Variants in MYO1B observed in about 807,000 individuals in gnomAD.
The protein encoded by MYO1B is myosin IB.
MYO1B carries 72 observed loss-of-function variants against 159.7 expected under a neutral mutation model. That is an observed-to-expected ratio of 0.45 (90% CI 0.37 to 0.55). The LOEUF (loss-of-function observed/expected upper bound fraction) is 0.55. Among genes scored for constraint, MYO1B ranks in the 20% least tolerant of loss-of-function variants. The probability of loss-of-function intolerance (pLI) is 0.00; values close to 1 mark genes in which losing one functional copy is unlikely to be tolerated. For synonymous variants in MYO1B, 468 were observed against 473.8 expected (o/e 0.99, Z 0.16); for missense variants, 1,062 against 1,364.8 (o/e 0.78, Z 3.50).
intron 1 of MYO1B, among the ~76,000 whole-genome samples, chr2:191,259,264 A>C (rs1018525280): frequency 6.6e-6 from 1 of 152,150 alleles, no homozygotes; most frequent in Non-Finnish European, 1.5e-5. Flanking sequence ...TTAGGGGGAA[A>C]CTTTATTTTA....
At position 191,424,117 on chromosome 2, in the gene MYO1B, G is replaced by A. The variant is rs563505531; in HGVS notation, c.*157G>A. 28 of 870,300 alleles carry A rather than the reference G, an allele frequency of 3.2e-5. No individual in the cohort carries two copies. Among genetic ancestry groups the A allele is most frequent in the African/African-American group, 3.0e-4 (18 of 59,174 alleles). The allele number at this position is 870,300 out of a possible 1,614,324, so 53.9% of individuals were successfully genotyped here. A position where few individuals can be genotyped will look rare whatever the true frequency, so the allele number is the denominator to read the frequency against. On this transcript the variant is annotated 3_prime_UTR_variant, in exon 31 of 31. Transcript: ENST00000392318. Reference sequence around the variant, plus strand: ...TTTGACTAATCAATTTTTATTATTGGAATAGTTTTAACCTTTCAAATACAT... The same window carrying A: ...TTTGACTAATCAATTTTTATTATTGAAATAGTTTTAACCTTTCAAATACAT...
In MYO1B at chr2:191,268,340, T is replaced by C. The variant is rs114393537; in HGVS notation, c.-9-8547T>C. Reference sequence around the variant, plus strand: ...CGAACCCTGGTTTCTTTTTTTCTTATAAGGACACCAATCTCTTCATGGGGG... The same window carrying C: ...CGAACCCTGGTTTCTTTTTTTCTTACAAGGACACCAATCTCTTCATGGGGG... On this transcript the variant is annotated intron_variant, in intron 1 of 30. Coordinates refer to ENST00000392318, the MANE Select transcript of MYO1B (RefSeq NM_001130158.3). Among the ~76,000 whole-genome samples the C allele has an allele frequency of 6.2e-3, 937 of 152,294 alleles. 4 individuals are homozygous for C. The highest frequency in any genetic ancestry group is 0.021 in the African/African-American group (879 of 41,564).
Position 191,363,129 on chromosome 2 carries a change from G to A in MYO1B, c.766-599G>A, listed in dbSNP as rs73981602. On this transcript the variant is annotated intron_variant, in intron 9 of 30. Coordinates refer to ENST00000392318, the MANE Select transcript of MYO1B (RefSeq NM_001130158.3). ...TCTCAAAAAGAAAGTATCTCTTACA[G>A]TATGTCGTTTTAAAAAACTGTATAA... 8.9e-3 allele frequency among the ~76,000 whole-genome samples: 1,359 copies of A among 152,304 alleles called. 22 individuals carry two copies. The highest frequency in any genetic ancestry group is 0.031 in the African/African-American group (1,294 of 41,566).
intron 1 of MYO1B, among the ~76,000 whole-genome samples, chr2:191,249,097 T>C (rs1270903264): frequency 6.6e-6 from 1 of 152,250 alleles, no homozygotes. Context: ...ACAGAGTAGA[T>C]CTTATATTGC....
chr2:191,409,642 A>G (rs374948402), intron 26 of MYO1B, among the ~76,000 whole-genome samples: 261 of 152,346 alleles, frequency 1.7e-3, no homozygotes, highest in African/African-American at 6.0e-3. Context: ...ATGGGTGGGA[A>G]AAAAGGCTTT....
chr2:191,398,512 G>T lies in MYO1B; in HGVS notation c.2296-1870G>T, dbSNP rs1167681230. Among the ~76,000 whole-genome samples, 75 of 150,436 alleles carry T rather than the reference G, an allele frequency of 5.0e-4. 1 individual carries two copies. In the East Asian group the frequency reaches 0.013, roughly 25 times the overall value. On this transcript the variant is annotated intron_variant, in intron 21 of 30. Coordinates refer to ENST00000392318, the MANE Select transcript of MYO1B (RefSeq NM_001130158.3). ...CGGAGGGGCTCCTCACTTCTCAGAC[G>T]GGGCGGTTGCCAGGCAGAGGGTTTC...
chr2:191,348,441 A>G (rs1692707206), intron 6 of MYO1B, among the ~76,000 whole-genome samples: 1 of 152,098 alleles, frequency 6.6e-6, no homozygotes, highest in African/African-American at 2.4e-5. Flanking sequence ...CCTTCTGTCA[A>G]AAGGATCCCC....
chr2:191,397,949 AC>A (rs1180987894), intron 21 of MYO1B, among the ~76,000 whole-genome samples: 3 of 15,118 alleles, frequency 2.0e-4, no homozygotes, highest in East Asian at 1.8e-3. Flanking sequence ...GGGCGGGCCG[AC>A]CCCCCCACCT....
Position 191,393,175 on chromosome 2 carries a change from A to T in MYO1B, c.2179A>T (p.Met727Leu). Residue 727 changes from methionine to leucine, a missense_variant, in exon 20 of 31, where the codon ATG becomes TTG. By Grantham distance (15) the Met-to-Leu change is conservative. Around this residue, in one of 5 missense-constraint regions of MYO1B, gnomAD observed 609 missense variants for 744.4 expected, o/e 0.82. Transcript: ENST00000392318. ...GWKCRTHFLL[M>L]KKSQIVIAAW... ...GAAATGCCGCACACACTTCCTGCTA[A>T]TGAAAAAAAGCCAAATTGTGATTGC... 1 of 1,614,114 alleles carries T rather than the reference A, an allele frequency of 6.2e-7. No homozygotes were observed.
rs771411168 is a variant in MYO1B at position 191,408,960 on chromosome 2, C to T, written c.2632-84C>T. 3.2e-5 allele frequency: 44 copies of T among 1,364,426 alleles called. No individual in the cohort carries two copies. The East Asian group carries it at 6.4e-4, about 20-fold the overall frequency. 84.5% of individuals were successfully genotyped at this position (1,364,426 alleles called of 1,614,324 possible). On this transcript the variant is annotated intron_variant, in intron 25 of 30. Coordinates refer to ENST00000392318, the MANE Select transcript of MYO1B (RefSeq NM_001130158.3). ...AGTTAAATAAATTCTACTATTGTCT[C>T]GTTTATTTGATCATGATGTATGTAA...
intron 3 of MYO1B, among the ~76,000 whole-genome samples, chr2:191,317,061 G>A (rs150159490): frequency 6.6e-6 from 1 of 152,260 alleles, no homozygotes; most frequent in Non-Finnish European, 1.5e-5. Flanking sequence ...TTGATTTGCG[G>A]AGGCCGAAGG....
At chr2:191,312,469 A>G (rs1261526134) in intron 3 of MYO1B, among the ~76,000 whole-genome samples, 2 of 152,224 alleles carry the variant, frequency 1.3e-5, no homozygotes, top group African/African-American at 2.4e-5. Flanking sequence ...TTCTGTCACA[A>G]CCATGACCTT....
At chr2:191,271,851 G>A (rs1687473363) in intron 1 of MYO1B, among the ~76,000 whole-genome samples, 1 of 152,210 alleles carries the variant, frequency 6.6e-6, no homozygotes, top group Non-Finnish European at 1.5e-5. Context: ...AGCCATCTCT[G>A]TGTGTTGGGG....
At chr2:191,422,669 G>C (rs2126202538) in intron 30 of MYO1B, among the ~76,000 whole-genome samples, 1 of 152,256 alleles carries the variant, frequency 6.6e-6, no homozygotes, top group East Asian at 1.9e-4. Context: ...GCTAGCAATA[G>C]CTATTAGCAT....
At chr2:191,325,907 C>T (rs888963641) in intron 3 of MYO1B, among the ~76,000 whole-genome samples, 4 of 152,152 alleles carry the variant, frequency 2.6e-5, no homozygotes, top group Non-Finnish European at 5.9e-5. Context: ...TGTCTGGAAA[C>T]ATACTTAGTG....
intron 30 of MYO1B, among the ~76,000 whole-genome samples, chr2:191,419,224 CT>C (rs879814207): frequency 5.5e-4 from 80 of 146,560 alleles, no homozygotes; most frequent in South Asian, 1.1e-3. Context: ...TTATACTATA[CT>C]TTTTTTTTTT....
At chr2:191,333,954 C>T (rs1301239499) in intron 4 of MYO1B, among the ~76,000 whole-genome samples, 1 of 152,102 alleles carries the variant, frequency 6.6e-6, no homozygotes, top group Admixed American at 6.6e-5. Context: ...TGTATCTACG[C>T]CCACCCCTCC....
At chr2:191,331,382 C>T (rs1180810543) in intron 4 of MYO1B, among the ~76,000 whole-genome samples, 6 of 152,066 alleles carry the variant, frequency 3.9e-5, no homozygotes, top group South Asian at 4.2e-4. Context: ...TGAATGGCAC[C>T]CCCCTGGATT....
chr2:191,360,788 TGGA>T, intron 8 of MYO1B, 59 bp downstream of exon 8: 14 of 1,301,252 alleles, frequency 1.1e-5, no homozygotes, highest in African/African-American at 4.4e-5. Flanking sequence ...TTGTTGTTGT[TGGA>T]GCTGGGAGTC....
Sources: allele counts gnomAD v4.1 joint callset (sites outside exome capture counted in the v4.1 genomes callset), GRCh38; gene constraint gnomAD v4.1.1; regional missense constraint gnomAD v4.1.1; transcripts MANE v1.5; gene names NCBI Gene and HGNC (gene_info 2026-07-23, HGNC 2026-07-21).